Variants in ARHGEF4 observed in about 807,000 individuals in gnomAD.
ARHGEF4 encodes APC-stimulated guanine nucleotide exchange factor 1.
ARHGEF4 carries 119 observed loss-of-function variants against 162.0 expected under a neutral mutation model. That is an observed-to-expected ratio of 0.73 (90% CI 0.63 to 0.86). ARHGEF4 has a LOEUF of 0.86. ARHGEF4 is among the 40% of genes least tolerant of loss of function. ARHGEF4 has a pLI of 0.00. For missense variants in ARHGEF4, 2,488 were observed against 2,456.0 expected (o/e 1.01, Z -0.28); for synonymous variants, 1,014 against 979.9 (o/e 1.03, Z -0.65).
chr2:130,888,119 G>A (rs192764483), intron 1 of ARHGEF4, among the ~76,000 whole-genome samples: 37 of 152,118 alleles, frequency 2.4e-4, no homozygotes, highest in East Asian at 2.3e-3. Context: ...TAGCTTTGCC[G>A]TATTCCTTTT....
intron 5 of ARHGEF4, among the ~76,000 whole-genome samples, chr2:131,032,358 G>C (rs970652215): frequency 6.6e-5 from 10 of 152,002 alleles, no homozygotes; most frequent in African/African-American, 2.4e-4. Context: ...GAGTCACTCT[G>C]ACTCGCTCCA....
intron 2 of ARHGEF4, among the ~76,000 whole-genome samples, chr2:130,921,893 T>C (rs1681895833): frequency 6.6e-6 from 1 of 151,928 alleles, no homozygotes; most frequent in Non-Finnish European, 1.5e-5. Context: ...GGTTTCACCA[T>C]GTTGGCCAGG....
chr2:130,922,762 A>AT (rs11370112), intron 2 of ARHGEF4, among the ~76,000 whole-genome samples: 84,924 of 147,826 alleles, frequency 0.57, 28,281 homozygotes, highest in East Asian at 0.83. Context: ...CATTCCTCAG[A>AT]TTTTTTTTTT....
intron 4 of ARHGEF4, among the ~76,000 whole-genome samples, chr2:130,948,275 G>A (rs982557012): frequency 2.0e-5 from 3 of 152,230 alleles, no homozygotes; most frequent in African/African-American, 7.2e-5. Context: ...TTGTCCATCA[G>A]CAGATGGATG....
chr2:130,946,569 C>T lies in ARHGEF4; in HGVS notation c.3919C>T (p.Pro1307Ser). The change falls in exon 4 of 14, where the codon CCA becomes TCA. Residue 1307 changes from proline to serine, a missense_variant. Physicochemically the swap from Pro to Ser is moderately conservative, Grantham distance 74 (BLOSUM62 -1). This residue lies in a region of ARHGEF4 where 1,642 missense variants were observed against 1,481.5 expected (regional missense o/e 1.11). Coordinates refer to ENST00000409359, the MANE Select transcript of ARHGEF4 (RefSeq NM_001367493.1). ...TTTGAATCTCCCTAGAAGAAGCCAT[C>T]CACTCTCCCAGAGTGCTCCAACGGG... ...ESLNLPRRSH[P>S]LSQSAPTGLN... 6.2e-7 allele frequency: 1 copy of T among 1,614,112 alleles called. No individual in the cohort carries two copies. The highest frequency in any genetic ancestry group is 8.5e-7 in the Non-Finnish European group (1 of 1,179,968).
chr2:131,035,015 C>G (rs1028968779), intron 5 of ARHGEF4: 101 of 986,410 alleles, frequency 1.0e-4, no homozygotes, highest in Admixed American at 2.5e-4. Context: ...CCCCGCCTCT[C>G]CCCGGGCGCT....
At chr2:131,022,179 A>T (rs921877882) in intron 4 of ARHGEF4, among the ~76,000 whole-genome samples, 1 of 152,182 alleles carries the variant, frequency 6.6e-6, no homozygotes, top group Non-Finnish European at 1.5e-5. Flanking sequence ...GTTGGGAAGT[A>T]TTCCTTCCTC....
At chr2:131,015,592 A>T (rs1688722307) in intron 4 of ARHGEF4, among the ~76,000 whole-genome samples, 1 of 152,194 alleles carries the variant, frequency 6.6e-6, no homozygotes, top group Non-Finnish European at 1.5e-5. Flanking sequence ...TAATCTTTTT[A>T]AAAAACAAAA....
At position 130,916,054 on chromosome 2, in the gene ARHGEF4, C is replaced by T; in HGVS notation, c.2108C>T (p.Ala703Val). The T allele has an allele frequency of 6.5e-7, 1 of 1,550,290 alleles. No individual in the cohort carries two copies. Among genetic ancestry groups the T allele is most frequent in the Non-Finnish European group, 8.7e-7 (1 of 1,146,874 alleles). ...AAPIQGAGDG[A>V]LQRVAQAAEL... ...CCCATACAGGGAGCTGGCGATGGGG[C>T]TCTTCAGCGGGTGGCCCAGGCCGCA... Residue 703 changes from alanine to valine, a missense_variant, in exon 2 of 14, where the codon GCT (alanine) becomes GTT (valine). Transcript: ENST00000409359.
chr2:131,038,759 C>G (rs570728371), intron 5 of ARHGEF4, 94 bp from the exon 6 acceptor site: 2 of 1,407,242 alleles, frequency 1.4e-6, no homozygotes, highest in African/African-American at 1.4e-5. Flanking sequence ...TCAGGATCCC[C>G]TCTTCCCAGG....
intron 3 of ARHGEF4, among the ~76,000 whole-genome samples, chr2:130,941,210 A>ATTTTT (rs70994724): frequency 6.9e-6 from 1 of 145,256 alleles, no homozygotes; most frequent in African/African-American, 2.6e-5. Flanking sequence ...TCCATTTATA[A>ATTTTT]TTTTTTTTTT....
At chr2:130,937,985 G>C (rs944444442) in intron 3 of ARHGEF4, among the ~76,000 whole-genome samples, 1 of 152,070 alleles carries the variant, frequency 6.6e-6, no homozygotes, top group Non-Finnish European at 1.5e-5. Flanking sequence ...ATAATTTTTT[G>C]TTGAAAACTG....
At chr2:130,903,354 G>T (rs1208763945) in intron 1 of ARHGEF4, among the ~76,000 whole-genome samples, 1 of 151,700 alleles carries the variant, frequency 6.6e-6, no homozygotes, top group Admixed American at 6.6e-5. Context: ...TCCCTCCCGG[G>T]GTTCAAGTGA....
chr2:130,925,397 A>G (rs1025161707), intron 2 of ARHGEF4, among the ~76,000 whole-genome samples: 2 of 152,238 alleles, frequency 1.3e-5, no homozygotes, highest in African/African-American at 2.4e-5. Flanking sequence ...TCGAGAAACA[A>G]TGCTGGAGCA....
chr2:130,882,597 T>G (rs534980137), intron 1 of ARHGEF4, among the ~76,000 whole-genome samples: 1 of 151,960 alleles, frequency 6.6e-6, no homozygotes, highest in Non-Finnish European at 1.5e-5. Context: ...ACATATGAAC[T>G]TGGGGGAAGG....
At chr2:130,957,511 G>C (rs1008129501) in intron 4 of ARHGEF4, among the ~76,000 whole-genome samples, 1 of 152,126 alleles carries the variant, frequency 6.6e-6, no homozygotes, top group Non-Finnish European at 1.5e-5. Context: ...TTTTGGGTGG[G>C]GGTGTTGAGA....
chr2:130,864,640 C>T (rs1332367088), intron 1 of ARHGEF4, among the ~76,000 whole-genome samples: 1 of 152,060 alleles, frequency 6.6e-6, no homozygotes, highest in East Asian at 1.9e-4. Flanking sequence ...AGGACAATTG[C>T]TGGAACCCAG....
chr2:130,966,868 G>T (rs1048628626), intron 4 of ARHGEF4, among the ~76,000 whole-genome samples: 2 of 152,192 alleles, frequency 1.3e-5, no homozygotes. Flanking sequence ...GATCTGGGGG[G>T]TGCGCCCCAC....
At chr2:130,843,542 T>C (rs1046787598) in intron 1 of ARHGEF4, among the ~76,000 whole-genome samples, 2 of 152,190 alleles carry the variant, frequency 1.3e-5, no homozygotes, top group Non-Finnish European at 2.9e-5. Context: ...GAGGCACCAG[T>C]GCTTCCTCGT....
Sources: gnomAD v4.1 joint callset for allele counts (sites outside exome capture counted in the v4.1 genomes callset) on GRCh38, gnomAD v4.1.1 for gene constraint, gnomAD v4.1.1 regional missense constraint, MANE v1.5 for transcripts, NCBI Gene and HGNC (gene_info 2026-07-23, HGNC 2026-07-21) for gene names.